The following UGGT2 variants were observed in gnomAD, a reference collection of about 807,000 sequenced individuals.
UGGT2 encodes UDP-glucose glycoprotein glucosyltransferase 2.
A neutral mutation model predicts 192.1 loss-of-function variants in UGGT2; 180 were observed. That is an observed-to-expected ratio of 0.94 (90% CI 0.83 to 1.06). UGGT2 has a LOEUF of 1.06. Ranked by LOEUF, UGGT2 falls within the 50% of genes least tolerant of loss-of-function variation. The pLI, the probability that UGGT2 is intolerant of heterozygous loss-of-function variation, is 0.00. For missense variants in UGGT2, 1,849 were observed against 1,795.7 expected, an observed-to-expected ratio of 1.03 and a Z score of -0.54; for synonymous variants, 580 against 591.0, an observed-to-expected ratio of 0.98 and a Z score of 0.27.
chr13:96,024,157 T>C (rs1171278523), intron 2 of UGGT2, among the ~76,000 whole-genome samples: 1 of 152,212 alleles, frequency 6.6e-6, no homozygotes, highest in Non-Finnish European at 1.5e-5. Context: ...CCTGTATGAA[T>C]AAATTCTACT....
rs1890362478 is a variant in UGGT2, at chr13:95,863,619, T to C, written c.3644+10A>G. 1.3e-6 allele frequency: 2 copies of C among 1,579,784 alleles called. No individual in the cohort carries two copies. The highest frequency in any genetic ancestry group is 1.3e-5 in the African/African-American group (1 of 74,206). On this transcript the variant is annotated intron_variant, in intron 31 of 38. Transcript: ENST00000376747. ...TCTAGTGATGTATTAAAATATTCATTAGTAATTACCTTTTAATGGAATCCC... is the reference window on the plus strand; with the variant it reads ...TCTAGTGATGTATTAAAATATTCATCAGTAATTACCTTTTAATGGAATCCC...
At chr13:95,826,473 G>A (rs866993796) in intron 38 of UGGT2, among the ~76,000 whole-genome samples, 31 of 152,086 alleles carry the variant, frequency 2.0e-4, no homozygotes, top group Admixed American at 1.1e-3. Flanking sequence ...AAAAACCCAA[G>A]AGAATAAGCT....
chr13:95,920,656 G>A (rs2048816710), intron 20 of UGGT2, among the ~76,000 whole-genome samples: 1 of 152,178 alleles, frequency 6.6e-6, no homozygotes, highest in Admixed American at 6.5e-5. Context: ...TCTCACGCCA[G>A]TCAGAATGGC....
chr13:95,853,112 C>T (rs191734396), intron 36 of UGGT2, among the ~76,000 whole-genome samples: 3 of 152,282 alleles, frequency 2.0e-5, no homozygotes, highest in Non-Finnish European at 4.4e-5. Context: ...GGCACTCATT[C>T]TCTCTCCTGC....
intron 38 of UGGT2, among the ~76,000 whole-genome samples, chr13:95,806,427 T>C (rs1289781691): frequency 1.3e-5 from 2 of 152,110 alleles, no homozygotes; most frequent in East Asian, 3.8e-4. Flanking sequence ...GAATTGGTGT[T>C]AGAAAAACAT....
intron 38 of UGGT2, among the ~76,000 whole-genome samples, chr13:95,819,815 A>G (rs1885309844): frequency 6.6e-6 from 1 of 152,204 alleles, no homozygotes; most frequent in South Asian, 2.1e-4. Flanking sequence ...AGCTAACACA[A>G]TGTAGAAAAA....
chr13:95,884,084 A>AAAAAAAAAC lies in UGGT2; in HGVS notation c.3228+406_3228+407insGTTTTTTTT, dbSNP rs760204523. Among the ~76,000 whole-genome samples, 45 of 132,050 alleles carry AAAAAAAAAC rather than the reference A, an allele frequency of 3.4e-4. 2 individuals carry two copies. Among genetic ancestry groups the AAAAAAAAAC allele is most frequent in the East Asian group, 1.3e-3 (6 of 4,472 alleles). 86.6% of individuals were successfully genotyped at this position (132,050 alleles called of 152,430 possible). A position where few individuals can be genotyped will look rare whatever the true frequency, so the allele number is the denominator to read the frequency against. On this transcript the variant is annotated intron_variant, in intron 27 of 38. Coordinates refer to ENST00000376747, the MANE Select transcript of UGGT2 (RefSeq NM_020121.4). ...TGAGGCCAAAAAAAAAAAAAAAAAA[A>AAAAAAAAAC]AACCAACAACAACAAAACAATTTTG...
chr13:95,918,399 T>G (rs888749508), intron 20 of UGGT2, among the ~76,000 whole-genome samples: 37 of 152,152 alleles, frequency 2.4e-4, no homozygotes, highest in Non-Finnish European at 3.7e-4. Context: ...AAAAAATTTA[T>G]AGCACTAAAT....
chr13:96,049,373 T>C (rs1015410532), intron 1 of UGGT2, among the ~76,000 whole-genome samples: 2 of 152,190 alleles, frequency 1.3e-5, no homozygotes, highest in Admixed American at 1.3e-4. Flanking sequence ...GCCAATATCA[T>C]ACTGAATGGG....
chr13:95,970,020 G>T, intron 12 of UGGT2, 92 bp downstream of exon 12: 1 of 1,324,060 alleles, frequency 7.6e-7, no homozygotes, highest in South Asian at 1.3e-5. Flanking sequence ...CCAAAATGCT[G>T]ACATTTATCA....
chr13:95,958,309 G>A (rs1172941843), intron 12 of UGGT2, among the ~76,000 whole-genome samples: 12 of 151,914 alleles, frequency 7.9e-5, no homozygotes, highest in African/African-American at 2.2e-4. Flanking sequence ...CCGCCACCAT[G>A]CCCGGCTAAT....
intron 17 of UGGT2, among the ~76,000 whole-genome samples, 158 bp downstream of exon 17, chr13:95,936,766 C>T (rs1014513208): frequency 2.6e-5 from 4 of 152,142 alleles, no homozygotes; most frequent in African/African-American, 7.2e-5. Context: ...GGCAGGGTGG[C>T]GTGGCTTAAG....
chr13:95,837,928 T>C (rs951605129), intron 36 of UGGT2, among the ~76,000 whole-genome samples: 1 of 151,988 alleles, frequency 6.6e-6, no homozygotes, highest in Admixed American at 6.6e-5. Flanking sequence ...TCTCTCAACA[T>C]CCCTATTAAA....
rs756404249 is a variant in UGGT2 at position 95,972,601 on chromosome 13, A to G, written c.1163T>C (p.Met388Thr). Reference protein sequence around the residue: ...RLFINGLRVDMDVYDAFSILD... With the variant: ...RLFINGLRVDTDVYDAFSILD... ...TTACCTAAAAGCGTCATAAACATCC[A>G]TATCAACACGAAGGCCATTTATAAA... The change falls in exon 11 of 39, where the codon ATG becomes ACG. Residue 388 changes from methionine to threonine, a missense_variant. Met to Thr is a moderately conservative substitution (Grantham distance 81, BLOSUM62 -1). Coordinates refer to ENST00000376747, the MANE Select transcript of UGGT2 (RefSeq NM_020121.4). 9.9e-6 allele frequency: 16 copies of G among 1,613,322 alleles called. No homozygotes were observed. In the East Asian group the frequency reaches 1.8e-4, roughly 18 times the overall value.
chr13:95,834,490 G>A (rs557320040), intron 37 of UGGT2, among the ~76,000 whole-genome samples: 1 of 152,194 alleles, frequency 6.6e-6, no homozygotes, highest in Admixed American at 6.5e-5. Context: ...CTCTGAGATG[G>A]AAAGTTGAGA....
Position 95,894,598 on chromosome 13 carries a change from G to A in UGGT2, c.2819C>T (p.Ser940Phe). The change falls in exon 24 of 39, where the codon TCT (serine) becomes TTT (phenylalanine). Residue 940 changes from serine to phenylalanine, a missense_variant. Ser to Phe is a radical substitution (Grantham distance 155). Transcript: ENST00000376747. Reference protein sequence around the residue: ...ALMSSVPKRASRYDVTFLREN... With the variant: ...ALMSSVPKRAFRYDVTFLREN... ...CCTAAGAAATGTGACATCATATCGA[G>A]ATGCACGCTTAGGCACAGAGGACAT... 6.2e-7 allele frequency: 1 copy of A among 1,611,242 alleles called. No homozygotes were observed. The highest frequency in any genetic ancestry group is 1.1e-5 in the South Asian group (1 of 90,698).
chr13:95,829,762 T>A (rs543502815), intron 38 of UGGT2, among the ~76,000 whole-genome samples: 2 of 150,544 alleles, frequency 1.3e-5, no homozygotes, highest in African/African-American at 4.8e-5. Flanking sequence ...AATTCATAGA[T>A]TCAGTGGAAA....
At chr13:96,025,006 A>T (rs922059851) in intron 2 of UGGT2, among the ~76,000 whole-genome samples, 1 of 152,190 alleles carries the variant, frequency 6.6e-6, no homozygotes, top group Non-Finnish European at 1.5e-5. Context: ...TACAGGTGTT[A>T]TCTGGCCCTC....
intron 2 of UGGT2, among the ~76,000 whole-genome samples, chr13:96,026,713 G>A (rs925006739): frequency 4.9e-5 from 7 of 141,892 alleles, no homozygotes; most frequent in Admixed American, 1.5e-4. Context: ...CGCCCAGGTC[G>A]GACTGCGGAC....
Sources: allele counts gnomAD v4.1 joint callset (sites outside exome capture counted in the v4.1 genomes callset), GRCh38; gene constraint gnomAD v4.1.1; transcripts MANE v1.5; gene names NCBI Gene and HGNC (gene_info 2026-07-23, HGNC 2026-07-21).